FOXN3: variants seen among roughly 807,000 people sequenced by gnomAD.
FOXN3 encodes forkhead box protein N3.
A neutral mutation model predicts 38.4 loss-of-function variants in FOXN3; 7 were observed. The observed-to-expected ratio is 0.18, with a 90% CI of 0.10 to 0.34. The LOEUF is 0.34. FOXN3 is among the 10% of genes least tolerant of loss of function. FOXN3 has a pLI of 1.00. For missense variants in FOXN3, 456 were observed against 613.4 expected (o/e 0.74, Z 2.71); for synonymous variants, 230 against 242.2 (o/e 0.95, Z 0.47).
At chr14:89,546,317 T>TTTTTCC (rs1894878512) in intron 1 of FOXN3, among the ~76,000 whole-genome samples, 1 of 112,934 alleles carries the variant, frequency 8.9e-6, no homozygotes, top group Admixed American at 1.0e-4. Context: ...CTTCTTTTCT[T>TTTTTCC]TTTTCCTTTT....
At chr14:89,351,955 C>G (rs547707311) in intron 2 of FOXN3, among the ~76,000 whole-genome samples, 2 of 152,192 alleles carry the variant, frequency 1.3e-5, no homozygotes, top group Non-Finnish European at 2.9e-5. Flanking sequence ...TCAGTTCACC[C>G]GAGTAGTTTC....
intron 3 of FOXN3, among the ~76,000 whole-genome samples, chr14:89,314,831 C>T (rs916063572): frequency 1.3e-5 from 2 of 152,090 alleles, no homozygotes; most frequent in African/African-American, 4.8e-5. Flanking sequence ...GTTAGCTAAC[C>T]GAGAACCTTC....
At chr14:89,617,907 A>G (rs1896522332) in intron 1 of FOXN3, among the ~76,000 whole-genome samples, 1 of 152,208 alleles carries the variant, frequency 6.6e-6, no homozygotes. Flanking sequence ...CTGACCAATC[A>G]GTGTGAGAGT....
At chr14:89,456,698 G>C (rs560637287) in intron 1 of FOXN3, among the ~76,000 whole-genome samples, 8 of 152,238 alleles carry the variant, frequency 5.3e-5, no homozygotes, top group African/African-American at 7.2e-5. Context: ...AGAGGTTGCA[G>C]TGAGCCAAGA....
At chr14:89,540,532 A>G (rs1394703093) in intron 1 of FOXN3, among the ~76,000 whole-genome samples, 1 of 152,178 alleles carries the variant, frequency 6.6e-6, no homozygotes, top group Admixed American at 6.5e-5. Context: ...CAGGAGTTCA[A>G]GACCACCCTG....
intron 4 of FOXN3, among the ~76,000 whole-genome samples, chr14:89,253,573 C>T (rs1265585420): frequency 6.6e-6 from 1 of 152,144 alleles, no homozygotes; most frequent in Non-Finnish European, 1.5e-5. Flanking sequence ...AAAAGTTTGG[C>T]TGGTGGGGGC....
At chr14:89,381,973 C>T (rs1890661591) in intron 2 of FOXN3, among the ~76,000 whole-genome samples, 1 of 152,150 alleles carries the variant, frequency 6.6e-6, no homozygotes, top group South Asian at 2.1e-4. Context: ...GCAGCCCACA[C>T]ATCTGCCTGT....
Position 89,513,905 on chromosome 14 carries a change from T to TACACAC in FOXN3, c.-14-101421_-14-101416dup, listed in dbSNP as rs58182379. Among the ~76,000 whole-genome samples the TACACAC allele has an allele frequency of 1.6e-3, 238 of 149,604 alleles. 2 individuals are homozygous for TACACAC. Among genetic ancestry groups the TACACAC allele is most frequent in the African/African-American group, 5.8e-3 (235 of 40,490 alleles). ...TCTCTCTTTCCTTCTCTTTCTCTCTTACACACACACACACACACACACACG... is the reference window on the plus strand; with the variant it reads ...TCTCTCTTTCCTTCTCTTTCTCTCTTACACACACACACACACACACACACACACACG... On this transcript the variant is annotated intron_variant, in intron 1 of 6. Coordinates refer to the FOXN3 transcript ENST00000345097.
At chr14:89,341,079 C>T (rs1888600842) in intron 3 of FOXN3, among the ~76,000 whole-genome samples, 1 of 152,124 alleles carries the variant, frequency 6.6e-6, no homozygotes, top group South Asian at 2.1e-4. Context: ...ATCTCAAGAG[C>T]TGGAAGCGAT....
chr14:89,448,959 A>G (rs1892564013), intron 1 of FOXN3, among the ~76,000 whole-genome samples: 1 of 151,796 alleles, frequency 6.6e-6, no homozygotes, highest in African/African-American at 2.4e-5. Context: ...AAAAAAAAGA[A>G]AGAAAAGAAA....
chr14:89,335,179 G>C (rs1053546405), intron 3 of FOXN3, among the ~76,000 whole-genome samples: 1 of 151,966 alleles, frequency 6.6e-6, no homozygotes, highest in Non-Finnish European at 1.5e-5. Flanking sequence ...ATTTTACAAT[G>C]TGTGTATCAC....
intron 1 of FOXN3, among the ~76,000 whole-genome samples, chr14:89,614,133 C>T (rs1896448310): frequency 6.6e-6 from 1 of 152,172 alleles, no homozygotes. Flanking sequence ...ACTCAACACT[C>T]AAAACACTAC....
At chr14:89,243,408 A>T (rs189018125) in intron 4 of FOXN3, among the ~76,000 whole-genome samples, 34 of 152,330 alleles carry the variant, frequency 2.2e-4, no homozygotes, top group Non-Finnish European at 3.5e-4. Flanking sequence ...CGCCTGCCCG[A>T]TGCAAGCAGC....
intron 4 of FOXN3, among the ~76,000 whole-genome samples, chr14:89,225,007 T>C (rs1293889121): frequency 6.6e-6 from 1 of 150,890 alleles, no homozygotes; most frequent in Non-Finnish European, 1.5e-5. Context: ...TGCGTGCCTA[T>C]AATCCCAGCT....
intron 4 of FOXN3, among the ~76,000 whole-genome samples, chr14:89,197,352 C>A (rs1021171956): frequency 1.3e-5 from 2 of 152,052 alleles, no homozygotes; most frequent in African/African-American, 4.8e-5. Context: ...ACTAAAAATA[C>A]AAAGATTAGC....
intron 2 of FOXN3, among the ~76,000 whole-genome samples, chr14:89,402,961 T>A (rs1198107682): frequency 6.6e-6 from 1 of 152,234 alleles, no homozygotes; most frequent in African/African-American, 2.4e-5. Flanking sequence ...AACAGCTTAT[T>A]CAAGTGAACA....
chr14:89,441,216 TAAC>T (rs530857579), intron 1 of FOXN3, among the ~76,000 whole-genome samples: 18 of 152,184 alleles, frequency 1.2e-4, no homozygotes, highest in African/African-American at 3.6e-4. Flanking sequence ...CGATTCAGAA[TAAC>T]AACAACAACT....
chr14:89,507,209 A>C (rs939402497), intron 1 of FOXN3, among the ~76,000 whole-genome samples: 2 of 152,210 alleles, frequency 1.3e-5, no homozygotes, highest in Non-Finnish European at 2.9e-5. Flanking sequence ...TTAAGCAGTC[A>C]ATCAGTTTAG....
chr14:89,178,198 A>G (rs1445166225), intron 5 of FOXN3, among the ~76,000 whole-genome samples: 2 of 148,726 alleles, frequency 1.3e-5, no homozygotes, highest in South Asian at 2.1e-4. Flanking sequence ...TTAAATAGAG[A>G]TAAGTTTTCG....
Sources: allele counts gnomAD v4.1 joint callset (sites outside exome capture counted in the v4.1 genomes callset), GRCh38; gene constraint gnomAD v4.1.1; transcripts MANE v1.5; gene names NCBI Gene and HGNC (gene_info 2026-07-23, HGNC 2026-07-21).